Variants in DNAH6 observed in about 807,000 individuals in gnomAD.
DNAH6 encodes the protein dynein axonemal heavy chain 6.
In DNAH6, 340 loss-of-function variants were observed where a neutral mutation model predicts 491.4. That is an observed-to-expected ratio of 0.69 (90% CI 0.63 to 0.76). The LOEUF (loss-of-function observed/expected upper bound fraction) is 0.76. Ranked by LOEUF, DNAH6 falls within the 30% of genes least tolerant of loss-of-function variation. DNAH6 has a pLI of 0.00. For missense variants in DNAH6, 4,443 were observed against 4,972.2 expected, an observed-to-expected ratio of 0.89 and a Z score of 3.20; for synonymous variants, 1,603 against 1,686.1, an observed-to-expected ratio of 0.95 and a Z score of 1.21.
chr2:84,683,412 AT>A lies in DNAH6; in HGVS notation c.6917-1887del, dbSNP rs61217837. Among the ~76,000 whole-genome samples the A allele has an allele frequency of 6.8e-4, 64 of 93,882 alleles. 4 individuals are homozygous for A. The South Asian group carries it at 0.021, about 31-fold the overall frequency. 61.6% of individuals were successfully genotyped at this position (93,882 alleles called of 152,430 possible). On this transcript the variant is annotated intron_variant, in intron 42 of 76. Coordinates refer to ENST00000389394, the MANE Select transcript of DNAH6 (RefSeq NM_001370.2). Reference sequence around the variant, plus strand: ...GTGCCCTTTGTTCTACACCACTCTTATTTTTTTTTTTTTTTTTTTTTTTTTT... The same window carrying A: ...GTGCCCTTTGTTCTACACCACTCTTATTTTTTTTTTTTTTTTTTTTTTTTT...
chr2:84,645,273 G>T (rs1381836864), intron 33 of DNAH6, among the ~76,000 whole-genome samples: 1 of 152,148 alleles, frequency 6.6e-6, no homozygotes, highest in African/African-American at 2.4e-5. Flanking sequence ...TACAAAATTA[G>T]CTGGGCATGG....
the DNAH6 span, among the ~76,000 whole-genome samples, chr2:84,490,653 C>T: frequency 8.5e-5 from 13 of 152,298 alleles, no homozygotes; most frequent in Non-Finnish European, 5.9e-5. Flanking sequence ...CCTCCACCTC[C>T]CGGGTTCAAG....
chr2:84,567,871 T>C (rs1681371592), intron 11 of DNAH6, among the ~76,000 whole-genome samples: 1 of 151,974 alleles, frequency 6.6e-6, no homozygotes, highest in African/African-American at 2.4e-5. Flanking sequence ...ACCTACAGAA[T>C]AGGAAAAATT....
Position 84,705,706 on chromosome 2 carries a change from A to G in DNAH6, c.8686A>G (p.Lys2896Glu). The G allele has an allele frequency of 6.4e-7, 1 of 1,551,328 alleles. No individual in the cohort carries two copies. Among genetic ancestry groups the G allele is most frequent in the Non-Finnish European group, 8.7e-7 (1 of 1,146,860 alleles). Residue 2896 changes from lysine (K) to glutamate (E), a missense_variant, in exon 52 of 77, where the codon AAG becomes GAG. By Grantham distance (56) the Lys-to-Glu change is moderately conservative. Transcript: ENST00000389394. ...TATGGATTTGTACTCTCGAGTGGTCAAGGTCGTCGAACCAAAAAGACAAAA... is the reference window on the plus strand; with the variant it reads ...TATGGATTTGTACTCTCGAGTGGTCGAGGTCGTCGAACCAAAAAGACAAAA... ...RAMDLYSRVV[K>E]VVEPKRQKLR...
chr2:84,808,070 T>C (rs1679601370), intron 71 of DNAH6, among the ~76,000 whole-genome samples: 1 of 151,782 alleles, frequency 6.6e-6, no homozygotes, highest in Admixed American at 6.6e-5. Flanking sequence ...ATGGGGAACA[T>C]GCTTTAAGGG....
At chr2:84,495,662 A>G in the DNAH6 span, among the ~76,000 whole-genome samples, 1 of 152,346 alleles carries the variant, frequency 6.6e-6, no homozygotes, top group African/African-American at 2.4e-5. Context: ...ATAATGCCTC[A>G]AGTTCCTTTC....
At chr2:84,812,714 C>T (rs982700721) in intron 73 of DNAH6, among the ~76,000 whole-genome samples, 188 bp downstream of exon 73, 3 of 152,218 alleles carry the variant, frequency 2.0e-5, no homozygotes, top group Non-Finnish European at 4.4e-5. Context: ...GCCCTAGGCA[C>T]TCATCCCCAC....
intron 46 of DNAH6, among the ~76,000 whole-genome samples, chr2:84,696,789 A>C (rs1254050526): frequency 6.6e-6 from 1 of 152,136 alleles, no homozygotes; most frequent in Admixed American, 6.5e-5. Flanking sequence ...TATTTGCATC[A>C]ATGTTGAAAG....
At chr2:84,495,488 A>G in the DNAH6 span, among the ~76,000 whole-genome samples, 1 of 152,320 alleles carries the variant, frequency 6.6e-6, no homozygotes, top group Admixed American at 6.5e-5. Flanking sequence ...AATCACAAAA[A>G]CACTAACTTA....
intron 26 of DNAH6, among the ~76,000 whole-genome samples, chr2:84,622,972 G>C (rs1016672841): frequency 6.6e-6 from 1 of 152,000 alleles, no homozygotes; most frequent in African/African-American, 2.4e-5. Flanking sequence ...CCCTTTATAT[G>C]TCTTTTTCTG....
intron 45 of DNAH6, among the ~76,000 whole-genome samples, chr2:84,691,658 A>G (rs946262034): frequency 8.1e-6 from 1 of 123,002 alleles, no homozygotes; most frequent in Admixed American, 7.4e-5. Context: ...GTCATAATGC[A>G]TAAGCAGCCA....
intron 33 of DNAH6, among the ~76,000 whole-genome samples, chr2:84,647,039 G>A (rs1421105590): frequency 1.3e-5 from 2 of 152,072 alleles, no homozygotes; most frequent in African/African-American, 4.8e-5. Context: ...TAGAGACAGA[G>A]TTTCACCATG....
chr2:84,508,252 A>G, the DNAH6 span, among the ~76,000 whole-genome samples: 22 of 152,108 alleles, frequency 1.4e-4, no homozygotes, highest in African/African-American at 2.2e-4. Flanking sequence ...AGATCCTGTT[A>G]TTGGTCTATT....
At chr2:84,785,385 G>A (rs1677080430) in intron 66 of DNAH6, among the ~76,000 whole-genome samples, 1 of 152,172 alleles carries the variant, frequency 6.6e-6, no homozygotes, top group African/African-American at 2.4e-5. Context: ...CTTGTCATGT[G>A]GTTCAACCAC....
the DNAH6 span, among the ~76,000 whole-genome samples, chr2:84,486,008 C>T: frequency 2.6e-5 from 4 of 152,050 alleles, no homozygotes; most frequent in African/African-American, 9.7e-5. Context: ...ATCTTCATTC[C>T]TCATAGGATA....
At chr2:84,535,948 T>TA in intron 4 of DNAH6, among the ~76,000 whole-genome samples, 1 of 152,080 alleles carries the variant, frequency 6.6e-6, no homozygotes, top group South Asian at 2.1e-4. Flanking sequence ...AAATACTTCT[T>TA]AAAAATGTTT....
At position 84,797,302 on chromosome 2, in the gene DNAH6, C is replaced by T. The variant is rs1165115417; in HGVS notation, c.11360-235C>T. Among the ~76,000 whole-genome samples the T allele has an allele frequency of 2.0e-5, 3 of 152,216 alleles. No homozygotes were observed. In the East Asian group the frequency reaches 5.8e-4, roughly 29 times the overall value. On this transcript the variant is annotated intron_variant, in intron 69 of 76. Coordinates refer to ENST00000389394, the MANE Select transcript of DNAH6 (RefSeq NM_001370.2). Reference sequence around the variant, plus strand: ...CCTGGATTCTCCGCATCTTTAAATGCGCTGGAGAAGGCATCTGACAAGTTA... The same window carrying T: ...CCTGGATTCTCCGCATCTTTAAATGTGCTGGAGAAGGCATCTGACAAGTTA...
At chr2:84,805,881 G>A in intron 71 of DNAH6, 87 bp downstream of exon 71, 2 of 1,239,150 alleles carry the variant, frequency 1.6e-6, no homozygotes. Flanking sequence ...GTCAAAACCT[G>A]CTTATTATGT....
chr2:84,706,822 T>C, intron 52 of DNAH6, 74 bp from the exon 53 acceptor site: 1 of 1,463,306 alleles, frequency 6.8e-7, no homozygotes, highest in Non-Finnish European at 9.0e-7. Context: ...AAATTTTTTT[T>C]AGATCTGTAT....
Sources: gnomAD v4.1 joint callset for allele counts (sites outside exome capture counted in the v4.1 genomes callset) on GRCh38, gnomAD v4.1.1 for gene constraint, MANE v1.5 for transcripts, NCBI Gene and HGNC (gene_info 2026-07-23, HGNC 2026-07-21) for gene names.